The following ST8SIA6 variants were observed in gnomAD, a reference collection of about 807,000 sequenced individuals.
ST8SIA6 encodes alpha-2,8-sialyltransferase 8F.
Under a neutral mutation model 33.6 loss-of-function variants are expected in ST8SIA6, and 39 were observed. That is an observed-to-expected ratio of 1.16 (90% CI 0.90 to 1.52). The LOEUF is 1.52. ST8SIA6 is among the 40% of genes most tolerant of loss of function. The pLI, the probability that ST8SIA6 is intolerant of heterozygous loss-of-function variation, is 0.00. For missense variants in ST8SIA6, 441 were observed against 443.8 expected (o/e 0.99, Z 0.06); for synonymous variants, 172 against 167.2 (o/e 1.03, Z -0.22).
chr10:17,441,866 A>C (rs955264843), intron 2 of ST8SIA6, among the ~76,000 whole-genome samples: 1 of 151,658 alleles, frequency 6.6e-6, no homozygotes, highest in Non-Finnish European at 1.5e-5. Flanking sequence ...AGACGATATA[A>C]AACAATTTTT....
intron 4 of ST8SIA6, among the ~76,000 whole-genome samples, chr10:17,334,635 A>G (rs1848449004): frequency 1.3e-5 from 2 of 151,902 alleles, no homozygotes; most frequent in African/African-American, 4.8e-5. Flanking sequence ...ATAATCATTT[A>G]TTATCAGACA....
chr10:17,356,368 T>A (rs1849189594), intron 4 of ST8SIA6, among the ~76,000 whole-genome samples: 1 of 151,710 alleles, frequency 6.6e-6, no homozygotes, highest in South Asian at 2.1e-4. Context: ...CAACAAAATG[T>A]ATTATAGCCC....
At chr10:17,371,374 A>C (rs10904944) in intron 3 of ST8SIA6, among the ~76,000 whole-genome samples, 56,341 of 151,886 alleles carry the variant, frequency 0.37, 10,688 homozygotes, top group East Asian at 0.59. Flanking sequence ...GTATTTAAAA[A>C]CATGAGACTA....
At chr10:17,327,354 AG>A (rs1848165106) in intron 5 of ST8SIA6, among the ~76,000 whole-genome samples, 1 of 149,340 alleles carries the variant, frequency 6.7e-6, no homozygotes, top group African/African-American at 2.5e-5. Context: ...TGGGAGGCCA[AG>A]GAGGGTGGAT....
chr10:17,391,553 C>T lies in ST8SIA6; in HGVS notation c.201-933G>A, dbSNP rs549493889. On this transcript the variant is annotated intron_variant, in intron 2 of 7. Coordinates refer to ENST00000377602, the MANE Select transcript of ST8SIA6 (RefSeq NM_001004470.3). ...CTGGGATTACAGGCGTGAGCCACCG[C>T]TCCCAGTCGCGTTTATTTTTAAAGG... Among the ~76,000 whole-genome samples, 20 of 152,328 alleles carry T rather than the reference C, an allele frequency of 1.3e-4. 2 individuals carry two copies. Among genetic ancestry groups the T allele is most frequent in the Admixed American group, 3.9e-4 (6 of 15,292 alleles).
At chr10:17,394,318 C>A (rs1172531425) in intron 2 of ST8SIA6, among the ~76,000 whole-genome samples, 2 of 150,134 alleles carry the variant, frequency 1.3e-5, no homozygotes, top group African/African-American at 4.9e-5. Flanking sequence ...GGGCTCCACT[C>A]TCTGACTTTA....
intron 2 of ST8SIA6, among the ~76,000 whole-genome samples, chr10:17,434,404 G>C (rs540432837): frequency 2.0e-5 from 3 of 152,294 alleles, no homozygotes; most frequent in Admixed American, 6.5e-5. Flanking sequence ...CAGGCTCTAA[G>C]ATAAGAGCAC....
Position 17,321,356 on chromosome 10 carries a change from TAAAA to T in ST8SIA6, c.729-14_729-11del. The T allele has an allele frequency of 6.4e-7, 1 of 1,563,602 alleles. No individual in the cohort carries two copies. Among genetic ancestry groups the T allele is most frequent in the Admixed American group, 2.1e-5 (1 of 47,712 alleles). ...CTTTAAGTTCCCATATCTGCCAAAT[TAAAA>T]AAAAATTATAGTAATCCCAAGAATA... On this transcript the variant is annotated splice_polypyrimidine_tract_variant and intron_variant, in intron 7 of 7. Coordinates refer to ENST00000377602, the MANE Select transcript of ST8SIA6 (RefSeq NM_001004470.3).
chr10:17,339,719 A>C (rs1292647753), intron 4 of ST8SIA6, among the ~76,000 whole-genome samples: 1 of 152,140 alleles, frequency 6.6e-6, no homozygotes, highest in African/African-American at 2.4e-5. Flanking sequence ...CATGCTAAAT[A>C]TTTTACATAG....
intron 3 of ST8SIA6, among the ~76,000 whole-genome samples, chr10:17,360,211 C>T (rs1315686502): frequency 6.6e-6 from 1 of 152,134 alleles, no homozygotes; most frequent in African/African-American, 2.4e-5. Context: ...ATTTCTAAAG[C>T]ACAGAATATC....
At chr10:17,392,273 G>T (rs1850644979) in intron 2 of ST8SIA6, among the ~76,000 whole-genome samples, 1 of 152,232 alleles carries the variant, frequency 6.6e-6, no homozygotes, top group Admixed American at 6.5e-5. Context: ...TACTCACACT[G>T]AGGGGTCAGA....
intron 2 of ST8SIA6, among the ~76,000 whole-genome samples, chr10:17,434,551 G>C (rs1361521963): frequency 6.6e-6 from 1 of 152,132 alleles, no homozygotes; most frequent in Non-Finnish European, 1.5e-5. Flanking sequence ...TGAGTGAGTT[G>C]GGATAGAATC....
rs1207579458 is a variant in ST8SIA6, at chr10:17,394,463, T to G, written c.201-3843A>C. 2.6e-5 allele frequency among the ~76,000 whole-genome samples: 4 copies of G among 152,006 alleles called. No individual in the cohort carries two copies. The East Asian group carries it at 7.7e-4, about 29-fold the overall frequency. On this transcript the variant is annotated intron_variant, in intron 2 of 7. Coordinates refer to ENST00000377602, the MANE Select transcript of ST8SIA6 (RefSeq NM_001004470.3). Reference sequence around the variant, plus strand: ...AGTCAGTAAATAGATGTGTTCTTACTCTCTCAAAGTCATTATTGCTTTATT... The same window carrying G: ...AGTCAGTAAATAGATGTGTTCTTACGCTCTCAAAGTCATTATTGCTTTATT...
intron 4 of ST8SIA6, among the ~76,000 whole-genome samples, chr10:17,337,158 C>CTCCTGT (rs1241149502): frequency 1.5e-5 from 1 of 66,414 alleles, no homozygotes; most frequent in Non-Finnish European, 3.0e-5. Context: ...CTCTCTCTTC[C>CTCCTGT]TCCGGCCGTT....
chr10:17,333,704 T>G (rs1458199134), intron 4 of ST8SIA6, among the ~76,000 whole-genome samples: 565 of 30,048 alleles, frequency 0.019, 38 homozygotes, highest in African/African-American at 0.077. Flanking sequence ...TATATATATA[T>G]ATATATATAT....
intron 3 of ST8SIA6, among the ~76,000 whole-genome samples, chr10:17,385,243 A>T (rs1408627455): frequency 6.6e-6 from 1 of 152,200 alleles, no homozygotes; most frequent in Non-Finnish European, 1.5e-5. Context: ...GAAACTCAAA[A>T]GAATGCAACC....
rs1256988221 is a variant in ST8SIA6 at position 17,319,374 on chromosome 10, A to G, written c.*1504T>C. 6.6e-6 allele frequency among the ~76,000 whole-genome samples: 1 copy of G among 152,168 alleles called. No individual in the cohort carries two copies. Among genetic ancestry groups the G allele is most frequent in the Non-Finnish European group, 1.5e-5 (1 of 68,020 alleles). On this transcript the variant is annotated 3_prime_UTR_variant, in exon 8 of 8. Coordinates refer to ENST00000377602, the MANE Select transcript of ST8SIA6 (RefSeq NM_001004470.3). ...GAAATCTCGGGGTGTCTGTTTAGCCAAAGATTTTTGGCTAACGTGAATCTA... is the reference window on the plus strand; with the variant it reads ...GAAATCTCGGGGTGTCTGTTTAGCCGAAGATTTTTGGCTAACGTGAATCTA...
At chr10:17,440,997 G>T (rs1852469925) in intron 2 of ST8SIA6, among the ~76,000 whole-genome samples, 1 of 152,016 alleles carries the variant, frequency 6.6e-6, no homozygotes, top group Non-Finnish European at 1.5e-5. Context: ...ACATATTCTG[G>T]ATACAAGTCT....
intron 2 of ST8SIA6, among the ~76,000 whole-genome samples, chr10:17,393,762 A>G (rs1322499475): frequency 6.6e-6 from 1 of 152,208 alleles, no homozygotes; most frequent in Non-Finnish European, 1.5e-5. Context: ...AGGTAAAGAA[A>G]TAAACAAGAC....
Sources: gnomAD v4.1 joint callset for allele counts (sites outside exome capture counted in the v4.1 genomes callset) on GRCh38, gnomAD v4.1.1 for gene constraint, MANE v1.5 for transcripts, NCBI Gene and HGNC (gene_info 2026-07-23, HGNC 2026-07-21) for gene names.